The following CCDC126 variants were observed in gnomAD, a reference collection of about 807,000 sequenced individuals.
CCDC126 encodes the protein coiled-coil domain containing 126, also known as coiled-coil domain-containing protein 126.
Under a neutral mutation model 11.7 loss-of-function variants are expected in CCDC126, and 5 were observed. The ratio of observed to expected loss-of-function variants is 0.43; its 90% CI spans 0.22 to 0.90. The LOEUF is 0.90. Ranked by LOEUF, CCDC126 falls within the 40% of genes least tolerant of loss-of-function variation. The pLI is 0.27. For missense variants in CCDC126, 150 were observed against 163.1 expected (o/e 0.92, Z 0.44); for synonymous variants, 60 against 61.9 (o/e 0.97, Z 0.14).
In CCDC126 at chr7:23,611,425, C is replaced by T. The variant is rs1309453235; in HGVS notation, c.110C>T (p.Pro37Leu). The change falls in exon 3 of 4, where the codon CCA becomes CTA. Residue 37 changes from proline to leucine, a missense_variant. Physicochemically the swap from Pro to Leu is moderately conservative, Grantham distance 98 (BLOSUM62 -3). Coordinates refer to ENST00000307471, the MANE Select transcript of CCDC126 (RefSeq NM_138771.4). The stretch of plus-strand genomic sequence containing the variant: ...TTACTGCACTATACTTTTCAACAAC[C>T]AAGACATCAAAGCAGTGTCAAGTTA... ...LMLLHYTFQQPRHQSSVKLRE... is the reference protein window; with the variant it reads ...LMLLHYTFQQLRHQSSVKLRE... 4 of 1,613,534 alleles carry T rather than the reference C, an allele frequency of 2.5e-6. No individual in the cohort carries two copies. Among genetic ancestry groups the T allele is most frequent in the Non-Finnish European group, 3.4e-6 (4 of 1,179,640 alleles).
chr7:23,629,546 T>C (rs756723374), intron 3 of CCDC126, among the ~76,000 whole-genome samples: 4 of 151,744 alleles, frequency 2.6e-5, no homozygotes, highest in Non-Finnish European at 4.4e-5. Context: ...ATAAAATTTC[T>C]CCAAAGAGCA....
intron 3 of CCDC126, among the ~76,000 whole-genome samples, chr7:23,615,929 C>A (rs227923): frequency 0.78 from 118,406 of 152,212 alleles, 46,424 homozygotes; most frequent in African/African-American, 0.87. Context: ...GAGAATTACC[C>A]AAATGTGACA....
At position 23,613,171 on chromosome 7, in the gene CCDC126, C is replaced by T. The variant is rs113597420; in HGVS notation, c.238+1618C>T. Among the ~76,000 whole-genome samples the T allele has an allele frequency of 1.7e-4, 26 of 152,148 alleles. 2 individuals are homozygous for T. The highest frequency in any genetic ancestry group is 4.3e-4 in the African/African-American group (18 of 41,518). ...ACAGAAAATACAAAAGTTAGTGGGG[C>T]GTGGTGGCGCGCACTTGTAGTTCCA... On this transcript the variant is annotated intron_variant, in intron 3 of 3. Transcript: ENST00000307471.
At chr7:23,601,098 C>A (rs1340654443) in intron 2 of CCDC126, among the ~76,000 whole-genome samples, 4 of 151,438 alleles carry the variant, frequency 2.6e-5, no homozygotes, top group Non-Finnish European at 4.4e-5. Context: ...ACTGTGTGTG[C>A]ATAGGCTGGA....
At chr7:23,632,531 G>A (rs1211667678) in intron 3 of CCDC126, among the ~76,000 whole-genome samples, 2 of 152,228 alleles carry the variant, frequency 1.3e-5, no homozygotes, top group Non-Finnish European at 2.9e-5. Context: ...AGGGATCCTA[G>A]TGGTGATAGA....
At chr7:23,633,918 C>T (rs1783158777) in intron 3 of CCDC126, among the ~76,000 whole-genome samples, 1 of 152,126 alleles carries the variant, frequency 6.6e-6, no homozygotes, top group African/African-American at 2.4e-5. Flanking sequence ...CACCATTAAG[C>T]TGATATTTAG....
rs556004812 is a variant in CCDC126, at chr7:23,631,871, A to C, written c.239-11060A>C. Among the ~76,000 whole-genome samples the C allele has an allele frequency of 2.0e-5, 3 of 152,282 alleles. No homozygotes were observed. In the East Asian group the frequency reaches 5.8e-4, roughly 29 times the overall value. ...GAATTTTCTCTGCAGTTTAAAGAAG[A>C]ATTAGCATACTTTAATGCAATCTTT... On this transcript the variant is annotated intron_variant, in intron 3 of 3. Transcript: ENST00000307471.
chr7:23,606,536 G>A (rs1471822284), intron 2 of CCDC126, among the ~76,000 whole-genome samples: 2 of 152,144 alleles, frequency 1.3e-5, no homozygotes, highest in African/African-American at 4.8e-5. Context: ...AGCAGCTATA[G>A]GAATCCACTT....
At chr7:23,602,843 G>C (rs1019581056) in intron 2 of CCDC126, among the ~76,000 whole-genome samples, 11 of 150,470 alleles carry the variant, frequency 7.3e-5, no homozygotes, top group Non-Finnish European at 1.3e-4. Context: ...TAACTTGTTT[G>C]TTTGCTTGTT....
At chr7:23,604,473 A>C (rs1049676181) in intron 2 of CCDC126, among the ~76,000 whole-genome samples, 28 of 152,262 alleles carry the variant, frequency 1.8e-4, no homozygotes, top group African/African-American at 6.3e-4. Flanking sequence ...GAGTCTGTTA[A>C]GACATTTCCT....
chr7:23,636,977 G>A (rs1289201902), intron 3 of CCDC126, among the ~76,000 whole-genome samples: 1 of 58,650 alleles, frequency 1.7e-5, no homozygotes, highest in Non-Finnish European at 3.5e-5. Flanking sequence ...CCCCTACTGG[G>A]AAGTGAGGAG....
intron 2 of CCDC126, chr7:23,601,859 T>C (rs774826106): frequency 1.3e-5 from 2 of 152,216 alleles, no homozygotes; most frequent in African/African-American, 4.8e-5. Flanking sequence ...AATTTTTATT[T>C]TTTTTTTGTA....
At chr7:23,626,311 A>G (rs1333321048) in intron 3 of CCDC126, among the ~76,000 whole-genome samples, 1 of 152,154 alleles carries the variant, frequency 6.6e-6, no homozygotes, top group Non-Finnish European at 1.5e-5. Flanking sequence ...TACAAATTAT[A>G]ATAAGATTAG....
chr7:23,636,801 C>T (rs1281770088), intron 3 of CCDC126, among the ~76,000 whole-genome samples: 2 of 135,416 alleles, frequency 1.5e-5, no homozygotes, highest in African/African-American at 5.7e-5. Context: ...CCCGGCCAGC[C>T]GCCCCGTCCG....
intron 3 of CCDC126, among the ~76,000 whole-genome samples, chr7:23,635,721 T>C (rs1783197078): frequency 6.6e-6 from 1 of 152,214 alleles, no homozygotes; most frequent in Non-Finnish European, 1.5e-5. Flanking sequence ...TTCTCATTTA[T>C]CCTGACTTTT....
rs1783400081 is a variant in CCDC126, at chr7:23,643,375, A to G, written c.*260A>G. On this transcript the variant is annotated 3_prime_UTR_variant, in exon 4 of 4. Coordinates refer to ENST00000307471, the MANE Select transcript of CCDC126 (RefSeq NM_138771.4). Reference sequence around the variant, plus strand: ...GTAATTTGGTTGATGTGGTAAGCAGATAGGTGAGTTTTGTATAAATCTTTT... The same window carrying G: ...GTAATTTGGTTGATGTGGTAAGCAGGTAGGTGAGTTTTGTATAAATCTTTT... 1 of 323,086 alleles carries G rather than the reference A, an allele frequency of 3.1e-6. No homozygotes were observed. The highest frequency in any genetic ancestry group is 2.1e-5 in the African/African-American group (1 of 47,106). 20.0% of individuals were successfully genotyped at this position (323,086 alleles called of 1,614,324 possible). A position where few individuals can be genotyped will look rare whatever the true frequency, so the allele number is the denominator to read the frequency against.
chr7:23,642,616 A>G (rs1334261861), intron 3 of CCDC126, among the ~76,000 whole-genome samples: 2 of 151,956 alleles, frequency 1.3e-5, no homozygotes, highest in South Asian at 4.2e-4. Context: ...TACAAAAATT[A>G]GCTGGGCGTG....
rs936618758 is a variant in CCDC126, at chr7:23,644,671, G to C, written c.*1556G>C. Reference sequence around the variant, plus strand: ...TGTGGACATTTTTGTTTTTGTTTTTGTTTTCAGGGATGAAATAAAATATAT... The same window carrying C: ...TGTGGACATTTTTGTTTTTGTTTTTCTTTTCAGGGATGAAATAAAATATAT... On this transcript the variant is annotated 3_prime_UTR_variant, in exon 4 of 4. Coordinates refer to ENST00000307471, the MANE Select transcript of CCDC126 (RefSeq NM_138771.4). The C allele has an allele frequency of 1.3e-5, 2 of 152,250 alleles. No individual in the cohort carries two copies. The highest frequency in any genetic ancestry group is 4.8e-5 in the African/African-American group (2 of 41,380). 9.4% of individuals were successfully genotyped at this position (152,250 alleles called of 1,614,324 possible). A position where few individuals can be genotyped will look rare whatever the true frequency, so the allele number is the denominator to read the frequency against.
At position 23,638,553 on chromosome 7, in the gene CCDC126, T is replaced by G. The variant is rs532828401; in HGVS notation, c.239-4378T>G. 5.6e-3 allele frequency among the ~76,000 whole-genome samples: 662 copies of G among 118,156 alleles called. 8 individuals carry two copies. Among genetic ancestry groups the G allele is most frequent in the African/African-American group, 0.02 (593 of 29,178 alleles). The allele number at this position is 118,156 out of a possible 152,430, so 77.5% of individuals were successfully genotyped here. A position where few individuals can be genotyped will look rare whatever the true frequency, so the allele number is the denominator to read the frequency against. ...AAGAGTCATCACCACTCCCTAATCTTAAGTACCCAGGGACACAAACACTGC... is the reference window on the plus strand; with the variant it reads ...AAGAGTCATCACCACTCCCTAATCTGAAGTACCCAGGGACACAAACACTGC... On this transcript the variant is annotated intron_variant, in intron 3 of 3. Transcript: ENST00000307471.
Sources: gnomAD v4.1 joint callset for allele counts (sites outside exome capture counted in the v4.1 genomes callset) on GRCh38, gnomAD v4.1.1 for gene constraint, MANE v1.5 for transcripts, NCBI Gene and HGNC (gene_info 2026-07-23, HGNC 2026-07-21) for gene names.